MAPKAP1: variants seen among roughly 807,000 people sequenced by gnomAD.
The protein encoded by MAPKAP1 is target of rapamycin complex 2 subunit MAPKAP1.
A neutral mutation model predicts 65.7 loss-of-function variants in MAPKAP1; 20 were observed. The observed-to-expected ratio is 0.30, with a 90% CI of 0.21 to 0.44. The LOEUF (loss-of-function observed/expected upper bound fraction) is 0.44. MAPKAP1 is among the 20% of genes least tolerant of loss of function. The pLI, the probability that MAPKAP1 is intolerant of heterozygous loss-of-function variation, is 1.00. For synonymous variants in MAPKAP1, 222 were observed against 244.3 expected (o/e 0.91, Z 0.85); for missense variants, 423 against 648.0 (o/e 0.65, Z 3.77).
At chr9:125,543,602 G>A (rs1262396058) in intron 6 of MAPKAP1, among the ~76,000 whole-genome samples, 1 of 152,136 alleles carries the variant, frequency 6.6e-6, no homozygotes, top group Non-Finnish European at 1.5e-5. Flanking sequence ...TAAAGTAAGT[G>A]CATACTGAGG....
intron 1 of MAPKAP1, among the ~76,000 whole-genome samples, chr9:125,679,318 A>G (rs1834750902): frequency 6.6e-6 from 1 of 152,124 alleles, no homozygotes; most frequent in Non-Finnish European, 1.5e-5. Flanking sequence ...GACTTTTTAA[A>G]AGCCTATTGT....
chr9:125,488,194 C>G (rs949880885), intron 8 of MAPKAP1, among the ~76,000 whole-genome samples: 2 of 152,120 alleles, frequency 1.3e-5, no homozygotes, highest in African/African-American at 4.8e-5. Flanking sequence ...CTGAGCCTTG[C>G]CCCAACTGAC....
intron 4 of MAPKAP1, among the ~76,000 whole-genome samples, chr9:125,617,933 AC>A (rs1472656788): frequency 6.6e-6 from 1 of 152,212 alleles, no homozygotes; most frequent in African/African-American, 2.4e-5. Flanking sequence ...CCTTGGAGAT[AC>A]TTTAAAAATC....
In MAPKAP1 at chr9:125,618,505, C is replaced by T. The variant is rs7851980; in HGVS notation, c.499-32778G>A. On this transcript the variant is annotated intron_variant, in intron 4 of 11. Transcript: ENST00000265960. ...CAAGTTCTAACTTCAGTTGCTAATTCAAATGTTGGTCTATATTTAGTAAAA... is the reference window on the plus strand; with the variant it reads ...CAAGTTCTAACTTCAGTTGCTAATTTAAATGTTGGTCTATATTTAGTAAAA... 6.2e-3 allele frequency among the ~76,000 whole-genome samples: 947 copies of T among 152,006 alleles called. 16 individuals carry two copies. Among genetic ancestry groups the T allele is most frequent in the African/African-American group, 0.022 (911 of 41,458 alleles).
chr9:125,609,983 A>T (rs1832552467), intron 4 of MAPKAP1, among the ~76,000 whole-genome samples: 1 of 152,232 alleles, frequency 6.6e-6, no homozygotes, highest in Admixed American at 6.5e-5. Context: ...AAGGTCACAC[A>T]GCCAGTAAGA....
intron 4 of MAPKAP1, among the ~76,000 whole-genome samples, chr9:125,607,697 C>G (rs1443198249): frequency 6.6e-6 from 1 of 152,118 alleles, no homozygotes; most frequent in East Asian, 1.9e-4. Context: ...TGCTCTGTCA[C>G]CAGGCTGGAG....
chr9:125,574,251 G>A (rs1218751002), intron 5 of MAPKAP1, among the ~76,000 whole-genome samples: 2 of 152,226 alleles, frequency 1.3e-5, no homozygotes, highest in African/African-American at 4.8e-5. Context: ...ATGAAGGAAT[G>A]AAGGACTTAA....
intron 4 of MAPKAP1, among the ~76,000 whole-genome samples, chr9:125,637,106 T>C (rs1833446743): frequency 6.6e-6 from 1 of 151,820 alleles, no homozygotes; most frequent in Non-Finnish European, 1.5e-5. Flanking sequence ...CTGTCTCTAC[T>C]AAAAATACAA....
chr9:125,663,642 T>TA (rs1834253150), intron 3 of MAPKAP1, among the ~76,000 whole-genome samples: 1 of 152,218 alleles, frequency 6.6e-6, no homozygotes, highest in South Asian at 2.1e-4. Flanking sequence ...GTTGAATGAA[T>TA]AAGTCTGGAC....
rs35867576 is a variant in MAPKAP1, at chr9:125,503,880, C to CTTTTTTTTTTTTTTTTTT, written c.1066+2412_1066+2429dup. 1.2e-3 allele frequency among the ~76,000 whole-genome samples: 79 copies of CTTTTTTTTTTTTTTTTTT among 66,240 alleles called. 14 individuals carry two copies. The highest frequency in any genetic ancestry group is 9.6e-3 in the Middle Eastern group (1 of 104). The allele number at this position is 66,240 out of a possible 152,430, so 43.5% of individuals were successfully genotyped here. A position where few individuals can be genotyped will look rare whatever the true frequency, so the allele number is the denominator to read the frequency against. ...TATAGGCACCCGCCACCACGCTTGG[C>CTTTTTTTTTTTTTTTTTT]TTTTTTTTTTTTTTTTTTTTTTTTT... On this transcript the variant is annotated intron_variant, in intron 8 of 11. Coordinates refer to ENST00000265960, the MANE Select transcript of MAPKAP1 (RefSeq NM_001006617.3).
intron 8 of MAPKAP1, among the ~76,000 whole-genome samples, chr9:125,488,501 C>T (rs114113677): frequency 0.024 from 3,664 of 152,126 alleles, 149 homozygotes; most frequent in African/African-American, 0.085. Flanking sequence ...AGGTAGCTGA[C>T]GCCTGGCTAA....
chr9:125,512,132 C>A (rs986403035), intron 7 of MAPKAP1, among the ~76,000 whole-genome samples: 1 of 152,232 alleles, frequency 6.6e-6, no homozygotes, highest in Non-Finnish European at 1.5e-5. Flanking sequence ...ATCCCTTTAA[C>A]CCCTAACTGA....
At chr9:125,586,802 G>A (rs990953330) in intron 4 of MAPKAP1, among the ~76,000 whole-genome samples, 2 of 152,050 alleles carry the variant, frequency 1.3e-5, no homozygotes, top group East Asian at 1.9e-4. Context: ...CACAGAAAAC[G>A]AGTTCAAATC....
intron 7 of MAPKAP1, among the ~76,000 whole-genome samples, chr9:125,531,909 T>A (rs1443104332): frequency 6.6e-6 from 1 of 152,246 alleles, no homozygotes; most frequent in Non-Finnish European, 1.5e-5. Context: ...CTTTTTACTT[T>A]TAGGTAAAAT....
chr9:125,677,406 A>C (rs1348730260), intron 1 of MAPKAP1, among the ~76,000 whole-genome samples: 1 of 151,826 alleles, frequency 6.6e-6, no homozygotes, highest in Non-Finnish European at 1.5e-5. Context: ...ATCTGAAAAA[A>C]ATAATAAGGC....
chr9:125,567,692 C>T (rs1159885676), intron 5 of MAPKAP1: 1 of 152,192 alleles, frequency 6.6e-6, no homozygotes, highest in Non-Finnish European at 1.5e-5. Context: ...GATCCAAGAA[C>T]CCTCTCTTGG....
intron 4 of MAPKAP1, among the ~76,000 whole-genome samples, chr9:125,625,260 A>T (rs1364255998): frequency 2.1e-3 from 294 of 137,764 alleles, no homozygotes; most frequent in Middle Eastern, 7.3e-3. Context: ...ATAAATAAAA[A>T]AAAAAAAAAA....
chr9:125,584,689 C>T (rs980067175), intron 5 of MAPKAP1, among the ~76,000 whole-genome samples: 6 of 152,096 alleles, frequency 3.9e-5, no homozygotes, highest in Non-Finnish European at 7.4e-5. Context: ...AGCCTTCCAA[C>T]GTGCTGGGAT....
chr9:125,589,841 T>C (rs774019395), intron 4 of MAPKAP1, among the ~76,000 whole-genome samples: 2 of 152,244 alleles, frequency 1.3e-5, no homozygotes, highest in Non-Finnish European at 2.9e-5. Context: ...CTCTTGCACG[T>C]GTGCACTCTC....
Sources: gnomAD v4.1 joint callset for allele counts (sites outside exome capture counted in the v4.1 genomes callset) on GRCh38, gnomAD v4.1.1 for gene constraint, MANE v1.5 for transcripts, NCBI Gene and HGNC (gene_info 2026-07-23, HGNC 2026-07-21) for gene names.